The following TNFSF13B variants were observed in gnomAD, a reference collection of about 807,000 sequenced individuals.
The protein encoded by TNFSF13B is TNF superfamily member 13b.
A neutral mutation model predicts 29.1 loss-of-function variants in TNFSF13B; 8 were observed. The observed-to-expected ratio is 0.27, with a 90% CI of 0.16 to 0.50. The LOEUF (loss-of-function observed/expected upper bound fraction) is 0.50. TNFSF13B is among the 20% of genes least tolerant of loss of function. The pLI, the probability that TNFSF13B is intolerant of heterozygous loss-of-function variation, is 0.98. For synonymous variants in TNFSF13B, 125 were observed against 130.8 expected (o/e 0.96, Z 0.30); for missense variants, 248 against 334.9 (o/e 0.74, Z 2.03).
At chr13:108,303,027 A>C (rs1441116937) in intron 3 of TNFSF13B, 1 of 506,980 alleles carries the variant, frequency 2.0e-6, no homozygotes, top group Non-Finnish European at 3.2e-6. Context: ...GTTAGCTCTC[A>C]GGTTCTTGTA....
intron 3 of TNFSF13B, chr13:108,302,779 C>G: frequency 1.0e-6 from 1 of 984,244 alleles, no homozygotes; most frequent in Non-Finnish European, 1.2e-6. Flanking sequence ...TCCGTAGGCT[C>G]CCTTCTGTTG....
Position 108,269,839 on chromosome 13 carries a change from C to A in TNFSF13B, c.-57C>A. 1 of 1,426,754 alleles carries A rather than the reference C, an allele frequency of 7.0e-7. No individual in the cohort carries two copies. The highest frequency in any genetic ancestry group is 9.5e-7 in the Non-Finnish European group (1 of 1,047,202). 88.4% of individuals were successfully genotyped at this position (1,426,754 alleles called of 1,614,324 possible). The stretch of plus-strand genomic sequence containing the variant: ...ACAAACACAGATAACAGGAAATGAT[C>A]CATTCCCTGTGGTCACTTATTCTAA... On this transcript the variant is annotated 5_prime_UTR_variant, in exon 1 of 6. Coordinates refer to ENST00000375887, the MANE Select transcript of TNFSF13B (RefSeq NM_006573.5).
At chr13:108,278,232 C>CGA (rs1566399068) in intron 2 of TNFSF13B, among the ~76,000 whole-genome samples, 1 of 151,926 alleles carries the variant, frequency 6.6e-6, no homozygotes, top group East Asian at 1.9e-4. Flanking sequence ...CAGGGTATTA[C>CGA]GATTAATGCC....
chr13:108,303,417 G>T, intron 4 of TNFSF13B, 37 bp from the exon 5 acceptor site: 1 of 1,609,554 alleles, frequency 6.2e-7, no homozygotes, highest in Non-Finnish European at 8.5e-7. Context: ...CCCATTTTGT[G>T]TTCATTTCTG....
chr13:108,307,899 T>C lies in TNFSF13B; in HGVS notation c.*961T>C, dbSNP rs1323756277. On this transcript the variant is annotated 3_prime_UTR_variant, in exon 6 of 6. Coordinates refer to ENST00000375887, the MANE Select transcript of TNFSF13B (RefSeq NM_006573.5). The stretch of plus-strand genomic sequence containing the variant: ...CCTCTTATTAGCTTTATATTCACTT[T>C]ATAGAAGTTGAGTTTTAATTAAAAT... The C allele has an allele frequency of 2.0e-5, 3 of 152,110 alleles. No homozygotes were observed. Among genetic ancestry groups the C allele is most frequent in the Non-Finnish European group, 4.4e-5 (3 of 67,976 alleles). The allele number at this position is 152,110 out of a possible 1,614,324, so 9.4% of individuals were successfully genotyped here.
intron 3 of TNFSF13B, among the ~76,000 whole-genome samples, chr13:108,300,455 A>G (rs891323061): frequency 2.0e-5 from 3 of 152,132 alleles, no homozygotes; most frequent in Admixed American, 6.6e-5. Context: ...TCATTAAACT[A>G]TGAAAGCAAC....
At chr13:108,288,036 C>T (rs998506367) in intron 3 of TNFSF13B, among the ~76,000 whole-genome samples, 1 of 152,188 alleles carries the variant, frequency 6.6e-6, no homozygotes, top group African/African-American at 2.4e-5. Context: ...GTTATTGAAT[C>T]TAAGTAGTCC....
chr13:108,285,722 G>C (rs930340821), intron 2 of TNFSF13B, among the ~76,000 whole-genome samples: 1 of 152,142 alleles, frequency 6.6e-6, no homozygotes, highest in Non-Finnish European at 1.5e-5. Context: ...CACAGTAGAA[G>C]TTCCCTACTG....
At chr13:108,304,043 G>A (rs774526732) in intron 5 of TNFSF13B, among the ~76,000 whole-genome samples, 5 of 152,052 alleles carry the variant, frequency 3.3e-5, no homozygotes, top group African/African-American at 4.8e-5. Flanking sequence ...TTTAATCTTC[G>A]CATTTAAGGG....
intron 2 of TNFSF13B, 57 bp from the exon 3 acceptor site, chr13:108,286,746 T>C: frequency 8.3e-7 from 1 of 1,204,438 alleles, no homozygotes. Flanking sequence ...CTTTGTGTTC[T>C]CAGTTTCTTT....
intron 2 of TNFSF13B, among the ~76,000 whole-genome samples, chr13:108,285,756 A>G (rs1378067197): frequency 3.9e-5 from 6 of 152,214 alleles, no homozygotes; most frequent in Non-Finnish European, 8.8e-5. Context: ...AAATGTATAC[A>G]TTGAGAAGCA....
chr13:108,276,793 A>G (rs1453813658), intron 2 of TNFSF13B, among the ~76,000 whole-genome samples: 1 of 152,138 alleles, frequency 6.6e-6, no homozygotes, highest in East Asian at 1.9e-4. Context: ...AGACATGGGT[A>G]GGTGATTTTT....
intron 1 of TNFSF13B, 39 bp downstream of exon 1, chr13:108,270,273 G>C (rs1259885539): frequency 6.2e-7 from 1 of 1,612,978 alleles, no homozygotes; most frequent in Non-Finnish European, 8.5e-7. Context: ...GCAAGATCCT[G>C]CCTACACTGC....
chr13:108,285,518 T>C (rs930457312), intron 2 of TNFSF13B, among the ~76,000 whole-genome samples: 3 of 152,196 alleles, frequency 2.0e-5, no homozygotes, highest in African/African-American at 7.2e-5. Flanking sequence ...TTGAATATTG[T>C]AGGCAATTGT....
Position 108,306,886 on chromosome 13 carries a change from A to G in TNFSF13B, c.806A>G (p.Gln269Arg). ...LQLAIPRENA[Q>R]ISLDGDVTFF... ...CTTGCAATACCAAGAGAAAATGCAC[A>G]AATATCACTGGATGGAGATGTCACA... Residue 269 changes from glutamine to arginine, a missense_variant, in exon 6 of 6, where the codon CAA becomes CGA. Gln to Arg is a conservative substitution (Grantham distance 43). Transcript: ENST00000375887. 1.2e-6 allele frequency: 2 copies of G among 1,611,788 alleles called. No individual in the cohort carries two copies. Among genetic ancestry groups the G allele is most frequent in the Non-Finnish European group, 1.7e-6 (2 of 1,178,692 alleles).
chr13:108,275,625 A>G (rs1246868672), intron 2 of TNFSF13B, among the ~76,000 whole-genome samples: 1 of 152,096 alleles, frequency 6.6e-6, no homozygotes, highest in East Asian at 1.9e-4. Context: ...TGGTCAATCT[A>G]CTTTAAGGTA....
At chr13:108,277,777 G>A (rs375125949) in intron 2 of TNFSF13B, among the ~76,000 whole-genome samples, 1 of 152,096 alleles carries the variant, frequency 6.6e-6, no homozygotes, top group Non-Finnish European at 1.5e-5. Flanking sequence ...TGACGCTGGC[G>A]GGAGTGTAGC....
At chr13:108,272,442 G>A (rs1027366002) in intron 2 of TNFSF13B, among the ~76,000 whole-genome samples, 1 of 151,972 alleles carries the variant, frequency 6.6e-6, no homozygotes, top group African/African-American at 2.4e-5. Context: ...GTTTTCTTAA[G>A]TAGTTGACTC....
At chr13:108,283,414 A>G (rs113596943) in intron 2 of TNFSF13B, among the ~76,000 whole-genome samples, 1 of 152,232 alleles carries the variant, frequency 6.6e-6, no homozygotes, top group Non-Finnish European at 1.5e-5. Flanking sequence ...CTTCTGAAGA[A>G]CAGTTCTTGA....
Sources: gnomAD v4.1 joint callset for allele counts (sites outside exome capture counted in the v4.1 genomes callset) on GRCh38, gnomAD v4.1.1 for gene constraint, MANE v1.5 for transcripts, NCBI Gene and HGNC (gene_info 2026-07-23, HGNC 2026-07-21) for gene names.